TTC6: variants seen among roughly 807,000 people sequenced by gnomAD.
The protein encoded by TTC6 is tetratricopeptide repeat protein 6.
In TTC6, 172 loss-of-function variants were observed where a neutral mutation model predicts 210.4. The observed-to-expected ratio is 0.82, with a 90% CI of 0.72 to 0.93. The LOEUF is 0.93. Ranked by LOEUF, TTC6 falls within the 40% of genes least tolerant of loss-of-function variation. The pLI is 0.00. For missense variants in TTC6, 2,414 were observed against 2,318.1 expected, an observed-to-expected ratio of 1.04 and a Z score of -0.85; for synonymous variants, 804 against 819.6, an observed-to-expected ratio of 0.98 and a Z score of 0.32.
chr14:37,829,674 A>G (rs2096180188), intron 29 of TTC6, among the ~76,000 whole-genome samples: 3 of 151,988 alleles, frequency 2.0e-5, no homozygotes, highest in Non-Finnish European at 4.4e-5. Flanking sequence ...AGATAATCAC[A>G]TCATAGGGAT....
exon 29 of TTC6, chr14:37,827,320 A>G: frequency 1.2e-6 from 2 of 1,613,238 alleles, no homozygotes; most frequent in South Asian, 2.2e-5. Context: ...TCGCTGGCTT[A>G]CTTTAATGCA....
intron 15 of TTC6, among the ~76,000 whole-genome samples, chr14:37,789,867 G>A (rs893783538): frequency 1.3e-5 from 2 of 151,778 alleles, no homozygotes; most frequent in African/African-American, 2.4e-5. Flanking sequence ...GAATATTTTT[G>A]TCCTAGACTG....
chr14:37,767,370 G>A (rs935530609), intron 14 of TTC6, among the ~76,000 whole-genome samples: 15 of 152,116 alleles, frequency 9.9e-5, no homozygotes, highest in East Asian at 3.8e-4. Context: ...CTGAGGAATC[G>A]CCACACTGAC....
chr14:37,714,361 AG>A, intron 5 of TTC6, among the ~76,000 whole-genome samples: 1 of 143,498 alleles, frequency 7.0e-6, no homozygotes, highest in East Asian at 2.0e-4. Flanking sequence ...AAGGTAAAGA[AG>A]TTTTTTTTTT....
chr14:37,820,000 G>A (rs1443762590), intron 26 of TTC6, among the ~76,000 whole-genome samples: 1 of 152,168 alleles, frequency 6.6e-6, no homozygotes, highest in Non-Finnish European at 1.5e-5. Context: ...TACACTTGTG[G>A]TAACTGATGC....
At chr14:37,832,283 G>T (rs2096187162) in intron 29 of TTC6, among the ~76,000 whole-genome samples, 2 of 131,802 alleles carry the variant, frequency 1.5e-5, no homozygotes, top group South Asian at 2.5e-4. Flanking sequence ...TATTTTTTAA[G>T]TCTTTATTTC....
chr14:37,815,712 A>G (rs538465392), intron 25 of TTC6, among the ~76,000 whole-genome samples: 2 of 152,314 alleles, frequency 1.3e-5, no homozygotes, highest in South Asian at 2.1e-4. Flanking sequence ...TGTGGTACAC[A>G]TTAGTGGCTG....
At chr14:37,751,721 T>C (rs988407600) in intron 13 of TTC6, among the ~76,000 whole-genome samples, 3 of 152,112 alleles carry the variant, frequency 2.0e-5, no homozygotes, top group African/African-American at 4.8e-5. Flanking sequence ...TAAATTATGA[T>C]ATTAAGGCAT....
intron 14 of TTC6, among the ~76,000 whole-genome samples, chr14:37,780,058 G>T (rs961066283): frequency 3.9e-5 from 6 of 152,102 alleles, no homozygotes; most frequent in East Asian, 1.9e-4. Context: ...TTGAATGAAT[G>T]AATGAATTAA....
Position 37,694,032 on chromosome 14 carries a change from A to G in TTC6, c.1258-2685A>G, listed in dbSNP as rs537368853. 3.3e-5 allele frequency among the ~76,000 whole-genome samples: 5 copies of G among 152,260 alleles called. No homozygotes were observed. In the East Asian group the frequency reaches 7.7e-4, roughly 24 times the overall value. Reference sequence around the variant, plus strand: ...CAAACAAACACTGGGGAAACTCTCCAGTACATTGGTTTCAGCAAATATTTC... The same window carrying G: ...CAAACAAACACTGGGGAAACTCTCCGGTACATTGGTTTCAGCAAATATTTC... On this transcript the variant is annotated intron_variant, in intron 3 of 30. Transcript: ENST00000553443.
At chr14:37,775,238 G>C (rs2139214528) in intron 14 of TTC6, among the ~76,000 whole-genome samples, 1 of 152,154 alleles carries the variant, frequency 6.6e-6, no homozygotes, top group Non-Finnish European at 1.5e-5. Flanking sequence ...CTTCAGTTCA[G>C]CTCTGATTTT....
chr14:37,782,296 A>C (rs1204437879), intron 14 of TTC6, among the ~76,000 whole-genome samples: 3 of 151,994 alleles, frequency 2.0e-5, no homozygotes, highest in African/African-American at 7.3e-5. Flanking sequence ...ATCTTCTTTT[A>C]TTTCATTGAA....
rs191660919 is a variant in TTC6, at chr14:37,814,598, G to A, written c.4689+2165G>A. Among the ~76,000 whole-genome samples the A allele has an allele frequency of 1.6e-3, 236 of 152,176 alleles. 2 individuals are homozygous for A. Among genetic ancestry groups the A allele is most frequent in the African/African-American group, 5.4e-3 (223 of 41,534 alleles). ...AACAATGAAAATCATGATAATGTCC[G>A]ATTGGAATTTTGTAAAAGTGCCAAC... On this transcript the variant is annotated intron_variant, in intron 25 of 30. Coordinates refer to ENST00000553443, the Ensembl canonical transcript of TTC6.
intron 14 of TTC6, among the ~76,000 whole-genome samples, chr14:37,781,174 T>G (rs1022142448): frequency 6.6e-5 from 10 of 152,252 alleles, no homozygotes; most frequent in Non-Finnish European, 2.9e-5. Context: ...AAATGGTATT[T>G]CTAGTTCTAG....
chr14:37,756,846 G>A (rs2139072627), intron 14 of TTC6, among the ~76,000 whole-genome samples: 1 of 152,240 alleles, frequency 6.6e-6, no homozygotes, highest in South Asian at 2.1e-4. Flanking sequence ...TTTGGTATCA[G>A]CATGATACTG....
At chr14:37,724,748 G>A (rs1196421088) in intron 6 of TTC6, 150 bp from the exon 9 acceptor site, 2 of 468,432 alleles carry the variant, frequency 4.3e-6, no homozygotes, top group Non-Finnish European at 7.5e-6. Context: ...TTGCTAACCT[G>A]ATGGCTGTAA....
chr14:37,708,186 A>G (rs1177386554), intron 5 of TTC6, among the ~76,000 whole-genome samples: 1 of 152,014 alleles, frequency 6.6e-6, no homozygotes, highest in African/African-American at 2.4e-5. Context: ...ATATATAAAT[A>G]CAAATGTAGA....
At chr14:37,693,067 A>G (rs1443553166) in intron 3 of TTC6, among the ~76,000 whole-genome samples, 2 of 152,056 alleles carry the variant, frequency 1.3e-5, no homozygotes, top group Non-Finnish European at 2.9e-5. Context: ...CAACAGGAAG[A>G]AATAAAAGGC....
intron 7 of TTC6, among the ~76,000 whole-genome samples, chr14:37,730,132 C>T (rs1011122960): frequency 1.2e-4 from 18 of 152,236 alleles, no homozygotes; most frequent in African/African-American, 4.3e-4. Flanking sequence ...TTCAAAGACT[C>T]CTGGTTGTGG....
Sources: gnomAD v4.1 joint callset for allele counts (sites outside exome capture counted in the v4.1 genomes callset) on GRCh38, gnomAD v4.1.1 for gene constraint, MANE v1.5 for transcripts, NCBI Gene and HGNC (gene_info 2026-07-23, HGNC 2026-07-21) for gene names.